CCDC192: variants seen among roughly 807,000 people sequenced by gnomAD.
CCDC192 encodes coiled-coil domain containing 192, also known as coiled-coil domain-containing protein 192.
Position 127,875,627 on chromosome 5 carries a change from A to G in CCDC192, c.501A>G (p.Ile167Met), listed in dbSNP as rs959311087. The G allele has an allele frequency of 5.0e-6, 2 of 398,896 alleles. No individual in the cohort carries two copies. 24.7% of individuals were successfully genotyped at this position (398,896 alleles called of 1,614,324 possible). The change falls in exon 6 of 7, where the codon ATA (isoleucine) becomes ATG (methionine). Residue 167 changes from isoleucine to methionine, a missense_variant. Coordinates refer to ENST00000514853, the MANE Select transcript of CCDC192 (RefSeq NM_001317938.2). Reference sequence around the variant, plus strand: ...CAGTTCTGGAACTCAATGAGAAGATAAAGACTCTATATGAAGGAAAGCCAG... The same window carrying G: ...CAGTTCTGGAACTCAATGAGAAGATGAAGACTCTATATGAAGGAAAGCCAG... ...AITVLELNEK[I>M]KTLYEGKPAP...
intron 2 of CCDC192, among the ~76,000 whole-genome samples, chr5:127,752,714 C>T (rs188410905): frequency 0.013 from 1,905 of 152,298 alleles, 122 homozygotes; most frequent in Admixed American, 0.093. Flanking sequence ...CCCCCAGCCT[C>T]GCTGCCGCCT....
intron 2 of CCDC192, among the ~76,000 whole-genome samples, chr5:127,743,999 C>T (rs1265249477): frequency 6.8e-6 from 1 of 146,940 alleles, no homozygotes; most frequent in Non-Finnish European, 1.5e-5. Flanking sequence ...GAGGCTGAGG[C>T]AGGAGAATGG....
At chr5:127,859,102 C>T (rs1751245472) in intron 5 of CCDC192, among the ~76,000 whole-genome samples, 2 of 152,104 alleles carry the variant, frequency 1.3e-5, no homozygotes, top group Admixed American at 1.3e-4. Flanking sequence ...TGCCTTTTTC[C>T]TTACTGTGAA....
chr5:127,923,938 C>T (rs1753802063), intron 6 of CCDC192, among the ~76,000 whole-genome samples: 1 of 152,156 alleles, frequency 6.6e-6, no homozygotes, highest in African/African-American at 2.4e-5. Flanking sequence ...AACCTGGCTC[C>T]CCAGAGCTAC....
intron 4 of CCDC192, 97 bp downstream of exon 4, chr5:127,797,331 G>T: frequency 2.6e-6 from 1 of 380,262 alleles, no homozygotes; most frequent in Admixed American, 4.5e-5. Flanking sequence ...ATTAAAAGTC[G>T]TATTTTTAAG....
chr5:127,816,463 AG>A (rs1211508331), intron 5 of CCDC192, among the ~76,000 whole-genome samples: 2 of 152,208 alleles, frequency 1.3e-5, no homozygotes, highest in African/African-American at 4.8e-5. Flanking sequence ...TAAGCAGAAT[AG>A]GTATTAAGTG....
chr5:127,881,018 AATAC>A (rs1402365124), intron 6 of CCDC192, among the ~76,000 whole-genome samples: 2 of 152,170 alleles, frequency 1.3e-5, no homozygotes. Context: ...CATACAGTGT[AATAC>A]TTAATGAGCA....
At chr5:127,786,827 C>CT in intron 3 of CCDC192, 2 of 537,660 alleles carry the variant, frequency 3.7e-6, no homozygotes. Flanking sequence ...GTGTCTGCCC[C>CT]TTTTTTGATG....
At chr5:127,704,893 T>A (rs1158295484) in intron 1 of CCDC192, among the ~76,000 whole-genome samples, 1 of 151,530 alleles carries the variant, frequency 6.6e-6, no homozygotes, top group Non-Finnish European at 1.5e-5. Flanking sequence ...AAATCATTTA[T>A]TCACCCAGGC....
At chr5:127,931,434 A>T (rs1030957648) in intron 6 of CCDC192, among the ~76,000 whole-genome samples, 1 of 152,210 alleles carries the variant, frequency 6.6e-6, no homozygotes, top group African/African-American at 2.4e-5. Flanking sequence ...GCATTCAATC[A>T]GCTAGTAACA....
chr5:127,782,996 G>A (rs1561485849), intron 3 of CCDC192, among the ~76,000 whole-genome samples: 1 of 147,380 alleles, frequency 6.8e-6, no homozygotes, highest in South Asian at 2.2e-4. Flanking sequence ...TTAGAGGTGG[G>A]GTTTTTTTTT....
chr5:127,838,617 A>C (rs942865079), intron 5 of CCDC192: 2 of 152,054 alleles, frequency 1.3e-5, no homozygotes, highest in African/African-American at 4.8e-5. Context: ...GTCCACTGAA[A>C]CCTTTTTTAA....
intron 5 of CCDC192, among the ~76,000 whole-genome samples, 161 bp from the exon 6 acceptor site, chr5:127,875,377 C>G (rs1345693976): frequency 6.6e-6 from 1 of 152,168 alleles, no homozygotes; most frequent in Non-Finnish European, 1.5e-5. Context: ...AGCACATACA[C>G]TGTTTCACAA....
intron 5 of CCDC192, among the ~76,000 whole-genome samples, chr5:127,808,566 G>C (rs1040267343): frequency 6.6e-6 from 1 of 152,098 alleles, no homozygotes; most frequent in Admixed American, 6.6e-5. Context: ...GATGGTGCTC[G>C]TTTGAGGACT....
intron 5 of CCDC192, among the ~76,000 whole-genome samples, chr5:127,824,486 G>T (rs1749432240): frequency 6.6e-6 from 1 of 152,088 alleles, no homozygotes; most frequent in African/African-American, 2.4e-5. Context: ...CTCACTGGGG[G>T]TTTATATAAA....
At chr5:127,934,295 G>A (rs1300997633) in intron 6 of CCDC192, among the ~76,000 whole-genome samples, 1 of 152,088 alleles carries the variant, frequency 6.6e-6, no homozygotes, top group African/African-American at 2.4e-5. Flanking sequence ...ATTACATCTC[G>A]AATTTTTCCT....
At chr5:127,725,795 T>A (rs1175179847) in intron 2 of CCDC192, among the ~76,000 whole-genome samples, 1 of 152,140 alleles carries the variant, frequency 6.6e-6, no homozygotes, top group Non-Finnish European at 1.5e-5. Flanking sequence ...AAAGAAAAAA[T>A]AAGTATTCTA....
intron 5 of CCDC192, among the ~76,000 whole-genome samples, chr5:127,839,590 A>G (rs890941500): frequency 6.6e-6 from 1 of 152,122 alleles, no homozygotes; most frequent in Non-Finnish European, 1.5e-5. Flanking sequence ...TAAAATAATA[A>G]ATTTGAATAT....
At chr5:127,807,227 G>C (rs543710309) in intron 5 of CCDC192, among the ~76,000 whole-genome samples, 1 of 152,224 alleles carries the variant, frequency 6.6e-6, no homozygotes, top group African/African-American at 2.4e-5. Flanking sequence ...CTGTTCCCCA[G>C]TTTATGAGAT....
Sources: allele counts gnomAD v4.1 joint callset (sites outside exome capture counted in the v4.1 genomes callset), GRCh38; gene constraint gnomAD v4.1.1; transcripts MANE v1.5; gene names NCBI Gene and HGNC (gene_info 2026-07-23, HGNC 2026-07-21).